Variants in ANK1 observed in about 807,000 individuals in gnomAD.
ANK1 encodes the protein ankyrin 1, also known as ankyrin-1.
A neutral mutation model predicts 210.4 loss-of-function variants in ANK1; 51 were observed. The ratio of observed to expected loss-of-function variants is 0.24; its 90% CI spans 0.19 to 0.31. The LOEUF (loss-of-function observed/expected upper bound fraction) is 0.31. Ranked by LOEUF, ANK1 falls within the 10% of genes least tolerant of loss-of-function variation. The probability of loss-of-function intolerance (pLI) is 1.00; values close to 1 mark genes in which losing one functional copy is unlikely to be tolerated. For missense variants in ANK1, 2,051 were observed against 2,504.4 expected (o/e 0.82, Z 3.86); for synonymous variants, 967 against 1,025.9 (o/e 0.94, Z 1.10).
intron 1 of ANK1, among the ~76,000 whole-genome samples, chr8:41,832,264 A>T (rs1250988003): frequency 6.6e-6 from 1 of 152,184 alleles, no homozygotes; most frequent in Non-Finnish European, 1.5e-5. Context: ...ACGGGGAAAG[A>T]GAAGTGTCCC....
chr8:41,690,506 A>G lies in ANK1; in HGVS notation c.3952T>C (p.Phe1318Leu). ...AQQRSFHFQS[F>L]RENRLAMPVK... ...GGCATGGCCAGACGGTTCTCCCGAA[A>G]TGACTGGAAGTGGAAGCTCCGCTGC... Residue 1318 changes from phenylalanine (F) to leucine (L), a missense_variant, in exon 32 of 43, where the codon TTT (phenylalanine) becomes CTT (leucine). Physicochemically the swap from Phe to Leu is conservative, Grantham distance 22 (BLOSUM62 0). This residue lies in a region of ANK1 where 1,413 missense variants were observed against 1,707.4 expected (regional missense o/e 0.83). Coordinates refer to ENST00000289734, the MANE Select transcript of ANK1 (RefSeq NM_000037.4). 6.2e-7 allele frequency: 1 copy of G among 1,614,198 alleles called. No homozygotes were observed. The highest frequency in any genetic ancestry group is 8.5e-7 in the Non-Finnish European group (1 of 1,180,024).
intron 1 of ANK1, among the ~76,000 whole-genome samples, chr8:41,784,842 A>G (rs1846029197): frequency 6.6e-6 from 1 of 152,208 alleles, no homozygotes; most frequent in South Asian, 2.1e-4. Flanking sequence ...AGTGGAACAA[A>G]TTATGTTCCT....
At chr8:41,698,311 C>G (rs1821680010) in intron 23 of ANK1, among the ~76,000 whole-genome samples, 190 bp from the exon 24 acceptor site, 1 of 152,200 alleles carries the variant, frequency 6.6e-6, no homozygotes, top group Admixed American at 6.5e-5. Flanking sequence ...ACTTGTCGCC[C>G]CTTTCTCTAC....
chr8:41,683,911 C>T (rs1292848734), intron 37 of ANK1, among the ~76,000 whole-genome samples: 1 of 152,098 alleles, frequency 6.6e-6, no homozygotes, highest in African/African-American at 2.4e-5. Flanking sequence ...CACGGGGGAT[C>T]CCTGCCATGC....
rs749067726 is a variant in ANK1, at chr8:41,864,811, C to G, written c.126+31544G>C. On this transcript the variant is annotated intron_variant, in intron 1 of 42. Transcript: ENST00000265709. ...CCGAAGAAACTGATCGCCCCTCCCT[C>G]GGCTCCCTGACCAAAGCCATGTCCA... Among the ~76,000 whole-genome samples, 3 of 152,310 alleles carry G rather than the reference C, an allele frequency of 2.0e-5. No homozygotes were observed. The South Asian group carries it at 6.2e-4, about 32-fold the overall frequency.
chr8:41,727,750 C>T (rs944685623), intron 4 of ANK1, among the ~76,000 whole-genome samples, 158 bp downstream of exon 4: 1 of 152,200 alleles, frequency 6.6e-6, no homozygotes, highest in Non-Finnish European at 1.5e-5. Context: ...TAAAGGACAC[C>T]TTCACCACTG....
intron 12 of ANK1, among the ~76,000 whole-genome samples, chr8:41,717,269 GTA>G (rs763335669): frequency 9.8e-5 from 15 of 152,322 alleles, no homozygotes; most frequent in Non-Finnish European, 2.1e-4. Flanking sequence ...GTGCATGCGT[GTA>G]TATGAGTTTA....
In ANK1 at chr8:41,696,763, T is replaced by G. The variant is rs750992097; in HGVS notation, c.2648A>C (p.Glu883Ala). ...RSEEQEQASK[E>A]YDEDSLIPSS... ...GGGGATGAGGGAGTCCTCATCATAC[T>G]CTTTAGATGCCTGAGGAGAGAGAAA... is the stretch of plus-strand genomic sequence containing the variant. Residue 883 changes from glutamate (E) to alanine (A), a missense_variant, in exon 25 of 43, where the codon GAG becomes GCG. Glu to Ala is a moderately radical substitution (Grantham distance 107, BLOSUM62 -1). Coordinates refer to ENST00000289734, the MANE Select transcript of ANK1 (RefSeq NM_000037.4). The G allele has an allele frequency of 1.9e-6, 3 of 1,600,224 alleles. No homozygotes were observed. The highest frequency in any genetic ancestry group is 2.5e-6 in the Non-Finnish European group (3 of 1,179,816).
rs1821016249 is a variant in ANK1 at position 41,696,598 on chromosome 8, G to A, written c.2736-11C>T. 4 of 1,613,428 alleles carry A rather than the reference G, an allele frequency of 2.5e-6. No homozygotes were observed. The highest frequency in any genetic ancestry group is 2.5e-6 in the Non-Finnish European group (3 of 1,179,916). ...AAGCTCACCAGAAACCTAGGAGTGG[G>A]GCAGATGCACGTTGGGCTTCTGCAT... is the stretch of plus-strand genomic sequence containing the variant. On this transcript the variant is annotated splice_polypyrimidine_tract_variant and intron_variant, in intron 25 of 42. Coordinates refer to ENST00000289734, the MANE Select transcript of ANK1 (RefSeq NM_000037.4).
chr8:41,666,706 G>A (rs1001654707), intron 39 of ANK1, among the ~76,000 whole-genome samples: 4 of 152,340 alleles, frequency 2.6e-5, no homozygotes, highest in Admixed American at 6.5e-5. Flanking sequence ...ATCAGCCCTC[G>A]GGGCCTGTGA....
intron 12 of ANK1, 28 bp downstream of exon 12, chr8:41,717,576 G>A (rs553888493): frequency 1.3e-6 from 2 of 1,541,814 alleles, no homozygotes; most frequent in Admixed American, 2.0e-5. Flanking sequence ...GTCTAGGGGA[G>A]CAAGCCCCTG....
At chr8:41,886,917 C>T (rs1818538718) in intron 1 of ANK1, among the ~76,000 whole-genome samples, 1 of 152,184 alleles carries the variant, frequency 6.6e-6, no homozygotes. Context: ...TTAGGCCCAA[C>T]ACACATACAT....
At chr8:41,751,945 C>T (rs997680068) in intron 2 of ANK1, among the ~76,000 whole-genome samples, 2 of 152,144 alleles carry the variant, frequency 1.3e-5, no homozygotes, top group South Asian at 2.1e-4. Context: ...TGCCTACCAC[C>T]TTCCCTTCCA....
At chr8:41,884,246 G>A (rs1024386520) in intron 1 of ANK1, among the ~76,000 whole-genome samples, 1 of 152,210 alleles carries the variant, frequency 6.6e-6, no homozygotes, top group African/African-American at 2.4e-5. Context: ...TACTTGGGAG[G>A]ATGAGGCAGG....
rs1805356174 is a variant in ANK1, at chr8:41,655,513, C to T, written c.*277G>A. 1 of 566,802 alleles carries T rather than the reference C, an allele frequency of 1.8e-6. No homozygotes were observed. Among genetic ancestry groups the T allele is most frequent in the Non-Finnish European group, 3.1e-6 (1 of 321,964 alleles). 35.1% of individuals were successfully genotyped at this position (566,802 alleles called of 1,614,324 possible). Reference sequence around the variant, plus strand: ...CCCTCTCTCTCCCCGCTTCTTGCTGCTTTTGTGTCCTGGTTCCGACAGATC... The same window carrying T: ...CCCTCTCTCTCCCCGCTTCTTGCTGTTTTTGTGTCCTGGTTCCGACAGATC... On this transcript the variant is annotated 3_prime_UTR_variant, in exon 43 of 43. Coordinates refer to ENST00000289734, the MANE Select transcript of ANK1 (RefSeq NM_000037.4).
intron 1 of ANK1, chr8:41,803,220 G>A (rs1251797336): frequency 6.6e-6 from 1 of 151,976 alleles, no homozygotes; most frequent in Non-Finnish European, 1.5e-5. Flanking sequence ...AGCTTCTCTT[G>A]GTCCTTTGCC....
intron 1 of ANK1, among the ~76,000 whole-genome samples, chr8:41,859,629 T>C (rs1439871743): frequency 1.3e-5 from 2 of 152,228 alleles, no homozygotes; most frequent in Non-Finnish European, 2.9e-5. Flanking sequence ...CCTTTGTATC[T>C]GGGCTGCGCC....
rs142542271 is a variant in ANK1, at chr8:41,692,854, G to A, written c.3652C>T (p.Arg1218Trp). 159 of 1,613,970 alleles carry A rather than the reference G, an allele frequency of 9.9e-5. No homozygotes were observed. Among genetic ancestry groups the A allele is most frequent in the Middle Eastern group, 8.2e-4 (5 of 6,062 alleles). The change falls in exon 31 of 43, where the codon CGG (arginine) becomes TGG (tryptophan). Residue 1218 changes from arginine (R) to tryptophan (W), a missense_variant. This residue lies in a region of ANK1 where 1,413 missense variants were observed against 1,707.4 expected (regional missense o/e 0.83). Transcript: ENST00000289734. ...SARFWLSDCP[R>W]TAEAVNFATL... is the part of the protein sequence containing the mutation. ...GCAAAGTTCACAGCCTCAGCAGTCCGAGGACAGTCCGACAGCCAAAACCTA... is the reference window on the plus strand; with the variant it reads ...GCAAAGTTCACAGCCTCAGCAGTCCAAGGACAGTCCGACAGCCAAAACCTA...
chr8:41,797,688 G>C (rs1414840982), upstream of ANK1: 9 of 1,251,036 alleles, frequency 7.2e-6, no homozygotes, highest in South Asian at 1.9e-5. This position sits in a 1 kb window ranked among gnomAD's most constrained non-coding sequence, Gnocchi z 4.0. Context: ...GCTTGCTGTC[G>C]GGCCGGGCGC....
Sources: gnomAD v4.1 joint callset for allele counts (sites outside exome capture counted in the v4.1 genomes callset) on GRCh38, gnomAD v4.1.1 for gene constraint, gnomAD v4.1.1 regional missense constraint, Gnocchi (gnomAD v3.1) non-coding constraint, MANE v1.5 for transcripts, NCBI Gene and HGNC (gene_info 2026-07-23, HGNC 2026-07-21) for gene names.